The following TMEM132E variants were observed in gnomAD, a reference collection of about 807,000 sequenced individuals.
The protein encoded by TMEM132E is transmembrane protein 132E.
A neutral mutation model predicts 78.5 loss-of-function variants in TMEM132E; 49 were observed. The ratio of observed to expected loss-of-function variants is 0.62; its 90% CI spans 0.50 to 0.79. The LOEUF is 0.79. Ranked by LOEUF, TMEM132E falls within the 30% of genes least tolerant of loss-of-function variation. The pLI, the probability that TMEM132E is intolerant of heterozygous loss-of-function variation, is 0.00. For synonymous variants in TMEM132E, 715 were observed against 670.6 expected (o/e 1.07, Z -1.02); for missense variants, 1,403 against 1,470.9 (o/e 0.95, Z 0.75).
chr17:34,638,266 C>CAA lies in TMEM132E; in HGVS notation c.*34_*35insAA, dbSNP rs368775416. 4.9e-5 allele frequency: 71 copies of CAA among 1,463,400 alleles called. No homozygotes were observed. The East Asian group carries it at 5.5e-4, about 11-fold the overall frequency. The allele number at this position is 1,463,400 out of a possible 1,614,324, so 90.7% of individuals were successfully genotyped here. A position where few individuals can be genotyped will look rare whatever the true frequency, so the allele number is the denominator to read the frequency against. On this transcript the variant is annotated 3_prime_UTR_variant, in exon 9 of 9. Transcript: ENST00000631683. ...GCCGGAGTAGCAGGGACCCCCCCCCCCAACGGGGTCAGCTCGGGGTAGGAC... is the reference window on the plus strand; with the variant it reads ...GCCGGAGTAGCAGGGACCCCCCCCCCAACAACGGGGTCAGCTCGGGGTAGGAC...
chr17:34,591,971 G>A (rs1165762196), intron 1 of TMEM132E, among the ~76,000 whole-genome samples: 5 of 152,196 alleles, frequency 3.3e-5, no homozygotes, highest in African/African-American at 4.8e-5. Flanking sequence ...CAAATGCTAC[G>A]TGCCTGCTGG....
At position 34,638,155 on chromosome 17, in the gene TMEM132E, G is replaced by A; in HGVS notation, c.3148G>A (p.Asp1050Asn). Residue 1050 changes from aspartate (D) to asparagine (N), a missense_variant, in exon 9 of 9, where the codon GAT becomes AAT. Transcript: ENST00000631683. ...AGAGGACCTGGGTTGGGGCTGCCCG[G>A]ATGTGGCGGGCCCCACGCGGCCCAC... is the stretch of plus-strand genomic sequence containing the variant. ...EEEDLGWGCP[D>N]VAGPTRPTAP... The A allele has an allele frequency of 6.2e-7, 1 of 1,607,206 alleles. No individual in the cohort carries two copies. Among genetic ancestry groups the A allele is most frequent in the Non-Finnish European group, 8.5e-7 (1 of 1,177,770 alleles).
At chr17:34,610,977 C>T (rs1906571821) in intron 1 of TMEM132E, among the ~76,000 whole-genome samples, 1 of 152,200 alleles carries the variant, frequency 6.6e-6, no homozygotes, top group Admixed American at 6.5e-5. Flanking sequence ...TAGGTGAAAC[C>T]TAGATCAAAT....
intron 2 of TMEM132E, among the ~76,000 whole-genome samples, chr17:34,627,802 G>A (rs970292524): frequency 6.6e-6 from 1 of 152,140 alleles, no homozygotes; most frequent in African/African-American, 2.4e-5. Context: ...TCTCCTCAGT[G>A]TCCTACCTTC....
At chr17:34,628,075 C>A (rs909465404) in intron 2 of TMEM132E, among the ~76,000 whole-genome samples, 1 of 152,160 alleles carries the variant, frequency 6.6e-6, no homozygotes, top group African/African-American at 2.4e-5. Context: ...TGGCAAAAAA[C>A]AATTGGAGGC....
chr17:34,581,133 A>T lies in TMEM132E; in HGVS notation c.57A>T (p.Leu19=), dbSNP rs764630644. The part of the protein sequence containing the change: ...GGAALLCLSA[L]LAHASGRSHP... ...CCGCCCTGCTCTGCCTCTCAGCGCT[A>T]CTCGCCCACGGTAAGTGTCGCGGCG... Residue 19 remains leucine, a synonymous_variant, in exon 1 of 9, where the codon CTA becomes CTT. Coordinates refer to ENST00000631683, the MANE Select transcript of TMEM132E (RefSeq NM_001304438.2). 6 of 1,520,244 alleles carry T rather than the reference A, an allele frequency of 3.9e-6. No individual in the cohort carries two copies. Among genetic ancestry groups the T allele is most frequent in the South Asian group, 1.2e-5 (1 of 81,500 alleles). The allele number at this position is 1,520,244 out of a possible 1,614,324, so 94.2% of individuals were successfully genotyped here. A position where few individuals can be genotyped will look rare whatever the true frequency, so the allele number is the denominator to read the frequency against.
At position 34,627,467 on chromosome 17, in the gene TMEM132E, C is replaced by CGTGTGTGTGTGTGTGTGTGTGTGTGTGT. The variant is rs145658598; in HGVS notation, c.998+421_998+448dup. Among the ~76,000 whole-genome samples, 869 of 126,496 alleles carry CGTGTGTGTGTGTGTGTGTGTGTGTGTGT rather than the reference C, an allele frequency of 6.9e-3. 49 individuals carry two copies. Among genetic ancestry groups the CGTGTGTGTGTGTGTGTGTGTGTGTGTGT allele is most frequent in the Middle Eastern group, 0.017 (4 of 240 alleles). 83.0% of individuals were successfully genotyped at this position (126,496 alleles called of 152,430 possible). A position where few individuals can be genotyped will look rare whatever the true frequency, so the allele number is the denominator to read the frequency against. On this transcript the variant is annotated intron_variant, in intron 2 of 8. Transcript: ENST00000631683. ...CCTCTTGGCTGGGAGCCAAAAGAATCGTGTGTGTGTGTGTGTGTGTGTGTG... is the reference window on the plus strand; with the variant it reads ...CCTCTTGGCTGGGAGCCAAAAGAATCGTGTGTGTGTGTGTGTGTGTGTGTGTGTGTGTGTGTGTGTGTGTGTGTGTGTG...
At chr17:34,581,830 C>T (rs1173756877) in intron 1 of TMEM132E, among the ~76,000 whole-genome samples, 1 of 151,978 alleles carries the variant, frequency 6.6e-6, no homozygotes, top group Non-Finnish European at 1.5e-5. Flanking sequence ...CGTCTGCTCC[C>T]CAGGCTCGCC....
chr17:34,600,839 ATGCACC>A (rs1350213862), intron 1 of TMEM132E, among the ~76,000 whole-genome samples: 1 of 152,164 alleles, frequency 6.6e-6, no homozygotes, highest in African/African-American at 2.4e-5. Flanking sequence ...AAAGTGATGG[ATGCACC>A]TGCAGAGGCA....
intron 1 of TMEM132E, among the ~76,000 whole-genome samples, chr17:34,605,868 C>T (rs759336757): frequency 6.6e-6 from 1 of 152,136 alleles, no homozygotes; most frequent in Non-Finnish European, 1.5e-5. Flanking sequence ...CTTCTCGTGG[C>T]GAAAAGGCCC....
chr17:34,629,873 G>C, intron 4 of TMEM132E, 135 bp from the exon 5 acceptor site: 2 of 1,028,280 alleles, frequency 1.9e-6, no homozygotes, highest in Non-Finnish European at 1.4e-6. Context: ...CCCTGCACAC[G>C]GGTGCAAGTG....
At chr17:34,606,422 A>G (rs1481487208) in intron 1 of TMEM132E, among the ~76,000 whole-genome samples, 2 of 152,252 alleles carry the variant, frequency 1.3e-5, no homozygotes, top group Non-Finnish European at 1.5e-5. Flanking sequence ...GTAGTCCAGA[A>G]GTCAGAACTG....
chr17:34,624,335 G>A (rs965996852), intron 1 of TMEM132E, among the ~76,000 whole-genome samples: 2 of 152,150 alleles, frequency 1.3e-5, no homozygotes, highest in East Asian at 1.9e-4. Context: ...TTGGGACATA[G>A]GTCTCTGCAG....
intron 1 of TMEM132E, among the ~76,000 whole-genome samples, chr17:34,620,926 T>G (rs933861533): frequency 2.6e-5 from 4 of 152,292 alleles, no homozygotes; most frequent in Admixed American, 2.6e-4. Context: ...CCACTATTCA[T>G]GTATTTGTCT....
intron 1 of TMEM132E, among the ~76,000 whole-genome samples, chr17:34,607,524 T>C (rs1906454791): frequency 6.6e-6 from 1 of 152,190 alleles, no homozygotes; most frequent in African/African-American, 2.4e-5. Flanking sequence ...GGGCATGAAA[T>C]GGGTGTCCAC....
At chr17:34,619,654 T>C (rs1318337150) in intron 1 of TMEM132E, among the ~76,000 whole-genome samples, 2 of 151,722 alleles carry the variant, frequency 1.3e-5, no homozygotes, top group Non-Finnish European at 2.9e-5. Flanking sequence ...CCTTCCTACT[T>C]AGTGCTATGT....
intron 1 of TMEM132E, among the ~76,000 whole-genome samples, chr17:34,604,389 A>G (rs1162248920): frequency 6.6e-6 from 1 of 152,114 alleles, no homozygotes; most frequent in Non-Finnish European, 1.5e-5. Flanking sequence ...TCCCAAAATG[A>G]AAATCTGACC....
At chr17:34,603,309 A>C (rs1010671245) in intron 1 of TMEM132E, among the ~76,000 whole-genome samples, 6 of 152,082 alleles carry the variant, frequency 3.9e-5, no homozygotes, top group African/African-American at 7.2e-5. Context: ...TAACAGACAC[A>C]GACCCTCGGA....
chr17:34,623,949 C>T (rs1195780590), intron 1 of TMEM132E, among the ~76,000 whole-genome samples: 1 of 152,208 alleles, frequency 6.6e-6, no homozygotes, highest in East Asian at 1.9e-4. Context: ...ACACCCCCAC[C>T]CCACCATCAG....
Sources: allele counts gnomAD v4.1 joint callset (sites outside exome capture counted in the v4.1 genomes callset), GRCh38; gene constraint gnomAD v4.1.1; transcripts MANE v1.5; gene names NCBI Gene and HGNC (gene_info 2026-07-23, HGNC 2026-07-21).